Variants in RPL37 observed in about 807,000 individuals in gnomAD.
RPL37 encodes large ribosomal subunit protein eL37.
RPL37 carries 1 observed loss-of-function variant against 14.8 expected under a neutral mutation model. The observed-to-expected ratio is 0.07, with a 90% CI of 0.02 to 0.32. The LOEUF is 0.32. Among genes scored for constraint, RPL37 ranks in the 10% least tolerant of loss-of-function variants. The pLI is 1.00. For synonymous variants in RPL37, 53 were observed against 45.8 expected, an observed-to-expected ratio of 1.16 and a Z score of -0.63; for missense variants, 100 against 128.3, an observed-to-expected ratio of 0.78 and a Z score of 1.06.
At position 40,825,462 on chromosome 5, in the gene RPL37, GTT is replaced by G. The variant is rs1031063727; in HGVS notation, c.*7040_*7041del. 8 of 152,258 alleles carry G rather than the reference GTT, an allele frequency of 5.3e-5. No homozygotes were observed. The highest frequency in any genetic ancestry group is 8.8e-5 in the Non-Finnish European group (6 of 68,024). 9.4% of individuals were successfully genotyped at this position (152,258 alleles called of 1,614,324 possible). ...GCCTCACAGGGGTACGTTCCCAGAG[GTT>G]TCTCTCTCTAGAGCAATCCCTAATA... is the stretch of plus-strand genomic sequence containing the variant. On this transcript the variant is annotated 3_prime_UTR_variant, in exon 4 of 4. Coordinates refer to ENST00000274242, the MANE Select transcript of RPL37 (RefSeq NM_000997.5).
intron 1 of RPL37, 98 bp from the exon 2 acceptor site, chr5:40,834,704 C>A: frequency 7.3e-7 from 1 of 1,376,316 alleles, no homozygotes; most frequent in South Asian, 1.4e-5. Flanking sequence ...TAAAGGCAAT[C>A]GTAAAGATCG....
intron 3 of RPL37, 52 bp downstream of exon 3, chr5:40,834,129 G>A (rs71623863): frequency 3.3e-6 from 4 of 1,209,832 alleles, no homozygotes; most frequent in Non-Finnish European, 4.9e-6. Context: ...GTAAACACGA[G>A]GGTTTCATTC....
chr5:40,834,400 C>G, intron 2 of RPL37, 71 bp downstream of exon 2: 1 of 1,589,124 alleles, frequency 6.3e-7, no homozygotes. Context: ...AAATAAAGTT[C>G]AAACCTATGC....
chr5:40,834,323 G>A (rs1745714530), intron 2 of RPL37, 58 bp from the exon 3 acceptor site: 2 of 1,571,654 alleles, frequency 1.3e-6, no homozygotes, highest in Non-Finnish European at 1.7e-6. Flanking sequence ...CCTTGTAGGT[G>A]TTGTTAACAC....
chr5:40,832,232 C>T lies in RPL37; in HGVS notation c.*272G>A, dbSNP rs989056079. ...GCCACATGAGCTGTGCTATTTTAAT[C>T]TGCTATATTGTCTTCCAGTGCCCTC... On this transcript the variant is annotated 3_prime_UTR_variant, in exon 4 of 4. Coordinates refer to ENST00000274242, the MANE Select transcript of RPL37 (RefSeq NM_000997.5). 45 of 415,968 alleles carry T rather than the reference C, an allele frequency of 1.1e-4. No individual in the cohort carries two copies. The highest frequency in any genetic ancestry group is 1.4e-3 in the Middle Eastern group (2 of 1,402). 25.8% of individuals were successfully genotyped at this position (415,968 alleles called of 1,614,324 possible). A position where few individuals can be genotyped will look rare whatever the true frequency, so the allele number is the denominator to read the frequency against.
chr5:40,829,678 T>TGTATAC lies in RPL37; in HGVS notation c.*2825_*2826insGTATAC, dbSNP rs1554036078. Reference sequence around the variant, plus strand: ...CCATCATAGTGTGTGTGTGTGTGTGTATATATATATATATATATATCAACA... The same window carrying TGTATAC: ...CCATCATAGTGTGTGTGTGTGTGTGTGTATACATATATATATATATATATATCAACA... On this transcript the variant is annotated 3_prime_UTR_variant, in exon 4 of 4. Coordinates refer to ENST00000274242, the MANE Select transcript of RPL37 (RefSeq NM_000997.5). The TGTATAC allele has an allele frequency of 8.6e-6, 1 of 115,818 alleles. No homozygotes were observed. Among genetic ancestry groups the TGTATAC allele is most frequent in the Non-Finnish European group, 2.0e-5 (1 of 50,194 alleles). 7.2% of individuals were successfully genotyped at this position (115,818 alleles called of 1,614,324 possible). A position where few individuals can be genotyped will look rare whatever the true frequency, so the allele number is the denominator to read the frequency against.
rs1745511829 is a variant in RPL37 at position 40,826,121 on chromosome 5, ATTTTATTC to A, written c.*6375_*6382del. On this transcript the variant is annotated 3_prime_UTR_variant, in exon 4 of 4. Transcript: ENST00000274242. ...TAACTTTCCTCCAAATAACTTACTAATTTTATTCATATAACACTCCTCAGGAGTTCAAA... is the reference window on the plus strand; with the variant it reads ...TAACTTTCCTCCAAATAACTTACTAAATATAACACTCCTCAGGAGTTCAAA... 1 of 152,170 alleles carries A rather than the reference ATTTTATTC, an allele frequency of 6.6e-6. No individual in the cohort carries two copies. The highest frequency in any genetic ancestry group is 2.4e-5 in the African/African-American group (1 of 41,426). The allele number at this position is 152,170 out of a possible 1,614,324, so 9.4% of individuals were successfully genotyped here.
intron 1 of RPL37, 156 bp downstream of exon 1, chr5:40,835,027 A>C (rs1745735072): frequency 3.2e-6 from 3 of 934,736 alleles, no homozygotes; most frequent in Non-Finnish European, 1.7e-6. Flanking sequence ...ACCAGTTAGC[A>C]GTCATTCTTC....
rs972533669 is a variant in RPL37, at chr5:40,827,753, G to A, written c.*4751C>T. On this transcript the variant is annotated 3_prime_UTR_variant, in exon 4 of 4. Coordinates refer to ENST00000274242, the MANE Select transcript of RPL37 (RefSeq NM_000997.5). Reference sequence around the variant, plus strand: ...TATCCTTTTTTTTTTTTGAGATGGAGTCTCGCTCTGCCGCCCGCCGTTCTC... The same window carrying A: ...TATCCTTTTTTTTTTTTGAGATGGAATCTCGCTCTGCCGCCCGCCGTTCTC... The A allele has an allele frequency of 3.3e-5, 5 of 149,700 alleles. No homozygotes were observed. Among genetic ancestry groups the A allele is most frequent in the African/African-American group, 1.2e-4 (5 of 40,588 alleles). 9.3% of individuals were successfully genotyped at this position (149,700 alleles called of 1,614,324 possible).
chr5:40,832,341 AAC>A lies in RPL37; in HGVS notation c.*161_*162del. The A allele has an allele frequency of 1.4e-6, 1 of 700,354 alleles. No homozygotes were observed. Among genetic ancestry groups the A allele is most frequent in the Non-Finnish European group, 2.6e-6 (1 of 382,646 alleles). 43.4% of individuals were successfully genotyped at this position (700,354 alleles called of 1,614,324 possible). A position where few individuals can be genotyped will look rare whatever the true frequency, so the allele number is the denominator to read the frequency against. On this transcript the variant is annotated 3_prime_UTR_variant, in exon 4 of 4. Transcript: ENST00000274242. ...CCCAGTCCAAAAGTAAACATTCCAAAACAGTCACTTAACAAGTAAATCTGATA... is the reference window on the plus strand; with the variant it reads ...CCCAGTCCAAAAGTAAACATTCCAAAAGTCACTTAACAAGTAAATCTGATA...
chr5:40,834,508 A>G lies in RPL37; in HGVS notation c.102T>C (p.Cys34=), dbSNP rs61732951. The change falls in exon 2 of 4, where the codon TGT becomes TGC. Residue 34 remains cysteine (C), a synonymous_variant. Coordinates refer to ENST00000274242, the MANE Select transcript of RPL37 (RefSeq NM_000997.5). The part of the protein sequence containing the change: ...SKAYHLQKST[C]GKCGYPAKRK... ...GCTTGGCAGGGTAGCCACATTTGCC[A>G]CAGGTCGACTTCTGAAGGTGGTAGG... 991 of 1,614,030 alleles carry G rather than the reference A, an allele frequency of 6.1e-4. 11 individuals carry two copies. The African/African-American group carries it at 0.012, about 20-fold the overall frequency.
At chr5:40,832,688 T>G (rs1745668913) in intron 3 of RPL37, 115 bp from the exon 4 acceptor site, 1 of 806,858 alleles carries the variant, frequency 1.2e-6, no homozygotes, top group East Asian at 2.5e-5. Context: ...AAATCAATAC[T>G]GCATTCATAT....
Position 40,834,451 on chromosome 5 carries a change from G to A in RPL37, c.139+20C>T, listed in dbSNP as rs1486273372. On this transcript the variant is annotated intron_variant, in intron 2 of 3. Coordinates refer to ENST00000274242, the MANE Select transcript of RPL37 (RefSeq NM_000997.5). Reference sequence around the variant, plus strand: ...ATACAAACAAAAGCTAACACAGTTGGCCTGAAAAATGTTACTTACACTTTC... The same window carrying A: ...ATACAAACAAAAGCTAACACAGTTGACCTGAAAAATGTTACTTACACTTTC... 1.2e-6 allele frequency: 2 copies of A among 1,608,318 alleles called. No individual in the cohort carries two copies. The highest frequency in any genetic ancestry group is 1.1e-5 in the South Asian group (1 of 89,984).
At chr5:40,835,064 C>A in intron 1 of RPL37, 119 bp downstream of exon 1, 1 of 1,434,708 alleles carries the variant, frequency 7.0e-7, no homozygotes, top group Non-Finnish European at 9.7e-7. Flanking sequence ...CCGCATGCCT[C>A]TTTCCAGCCC....
rs1295653258 is a variant in RPL37 at position 40,830,712 on chromosome 5, A to T, written c.*1792T>A. 6.6e-6 allele frequency: 1 copy of T among 151,168 alleles called. No homozygotes were observed. Among genetic ancestry groups the T allele is most frequent in the Non-Finnish European group, 1.5e-5 (1 of 67,822 alleles). The allele number at this position is 151,168 out of a possible 1,614,324, so 9.4% of individuals were successfully genotyped here. ...GGGTCTCACCATGTGGGCCAGGGTGATCTCGATCTCTTGACCTTGTGATCC... is the reference window on the plus strand; with the variant it reads ...GGGTCTCACCATGTGGGCCAGGGTGTTCTCGATCTCTTGACCTTGTGATCC... On this transcript the variant is annotated 3_prime_UTR_variant, in exon 4 of 4. Coordinates refer to ENST00000274242, the MANE Select transcript of RPL37 (RefSeq NM_000997.5).
At chr5:40,832,872 T>C (rs1745673287) in intron 3 of RPL37, 1 of 420,788 alleles carries the variant, frequency 2.4e-6, no homozygotes, top group African/African-American at 2.0e-5. Flanking sequence ...AGATCACAGA[T>C]TATTTGTGAA....
In RPL37 at chr5:40,832,294, T is replaced by C. The variant is rs1049155871; in HGVS notation, c.*210A>G. On this transcript the variant is annotated 3_prime_UTR_variant, in exon 4 of 4. Transcript: ENST00000274242. ...CTCCTGGAATTCTGCTTGTTTCTCA[T>C]TGCCTTTAACCGTGTTACAAACCCA... is the stretch of plus-strand genomic sequence containing the variant. 8 of 563,642 alleles carry C rather than the reference T, an allele frequency of 1.4e-5. No individual in the cohort carries two copies. Among genetic ancestry groups the C allele is most frequent in the South Asian group, 1.9e-5 (1 of 51,452 alleles). 34.9% of individuals were successfully genotyped at this position (563,642 alleles called of 1,614,324 possible).
At position 40,830,248 on chromosome 5, in the gene RPL37, A is replaced by C. The variant is rs546575224; in HGVS notation, c.*2256T>G. The C allele has an allele frequency of 6.6e-6, 1 of 152,318 alleles. No homozygotes were observed. The highest frequency in any genetic ancestry group is 2.1e-4 in the South Asian group (1 of 4,832). The allele number at this position is 152,318 out of a possible 1,614,324, so 9.4% of individuals were successfully genotyped here. A position where few individuals can be genotyped will look rare whatever the true frequency, so the allele number is the denominator to read the frequency against. On this transcript the variant is annotated 3_prime_UTR_variant, in exon 4 of 4. Transcript: ENST00000274242. ...GCATAATTTCTGCTGAAAAATTTAA[A>C]GTATAATGGGTATCTATACATAACT...
Position 40,835,209 on chromosome 5 carries a change from A to G in RPL37, c.-24T>C, listed in dbSNP as rs761253379. 7 of 1,613,932 alleles carry G rather than the reference A, an allele frequency of 4.3e-6. No individual in the cohort carries two copies. The highest frequency in any genetic ancestry group is 5.1e-6 in the Non-Finnish European group (6 of 1,179,934). On this transcript the variant is annotated 5_prime_UTR_variant, in exon 1 of 4. Transcript: ENST00000274242. ...ATCTCGCTTCTGCGGCCGAGACCAG[A>G]AAGACCGGAAGAGAAGGCACTTCCG...
Sources: allele counts gnomAD v4.1 joint callset, GRCh38; gene constraint gnomAD v4.1.1; transcripts MANE v1.5; gene names NCBI Gene and HGNC (gene_info 2026-07-23, HGNC 2026-07-21).